Variants in DISC1 observed in about 807,000 individuals in gnomAD.
The protein encoded by DISC1 is disrupted in schizophrenia 1 protein.
In DISC1, 57 loss-of-function variants were observed where a neutral mutation model predicts 84.5. That is an observed-to-expected ratio of 0.67 (90% CI 0.55 to 0.84). The LOEUF (loss-of-function observed/expected upper bound fraction) is 0.84, where lower values mean the gene tolerates loss of function less well. Ranked by LOEUF, DISC1 falls within the 40% of genes least tolerant of loss-of-function variation. The pLI is 0.00. For missense variants in DISC1, 1,000 were observed against 1,057.8 expected, an observed-to-expected ratio of 0.95 and a Z score of 0.76; for synonymous variants, 411 against 415.2, an observed-to-expected ratio of 0.99 and a Z score of 0.12.
chr1:232,032,878 A>G (rs1670184254), intron 12 of DISC1, among the ~76,000 whole-genome samples: 1 of 152,226 alleles, frequency 6.6e-6, no homozygotes, highest in Admixed American at 6.5e-5. Flanking sequence ...ATGGGCTTCA[A>G]CTATGAGCTT....
chr1:231,855,767 A>C (rs1360903569), intron 9 of DISC1, among the ~76,000 whole-genome samples: 2 of 152,210 alleles, frequency 1.3e-5, no homozygotes, highest in African/African-American at 2.4e-5. Context: ...CACAGCCCAC[A>C]AAAGCAAGTC....
intron 6 of DISC1, among the ~76,000 whole-genome samples, chr1:231,787,409 T>C (rs1400147208): frequency 6.7e-6 from 1 of 149,364 alleles, no homozygotes; most frequent in Non-Finnish European, 1.5e-5. Context: ...AGAGTGAGAG[T>C]GAGAGCATGT....
intron 9 of DISC1, among the ~76,000 whole-genome samples, chr1:231,881,088 C>T (rs139923009): frequency 7.6e-4 from 115 of 151,888 alleles, no homozygotes; most frequent in African/African-American, 1.4e-3. Flanking sequence ...TCTTCCCTGA[C>T]GAATTTTATT....
intron 7 of DISC1, 89 bp downstream of exon 7, chr1:231,795,385 T>A: frequency 8.4e-7 from 1 of 1,197,048 alleles, no homozygotes; most frequent in Non-Finnish European, 1.2e-6. Context: ...GATACCTGGC[T>A]TCTGCAAAAA....
intron 1 of DISC1, among the ~76,000 whole-genome samples, chr1:231,663,316 A>C (rs1421837566): frequency 7.2e-5 from 11 of 152,230 alleles, no homozygotes; most frequent in Non-Finnish European, 1.2e-4. Flanking sequence ...ACAATATACG[A>C]AGCAAATGTT....
chr1:232,019,298 A>T (rs1668742651), intron 11 of DISC1, among the ~76,000 whole-genome samples: 1 of 151,932 alleles, frequency 6.6e-6, no homozygotes, highest in Non-Finnish European at 1.5e-5. Context: ...TTTCATTCTG[A>T]CCCACAGGGA....
chr1:231,765,681 C>G (rs1440818295), intron 4 of DISC1, among the ~76,000 whole-genome samples: 1 of 152,138 alleles, frequency 6.6e-6, no homozygotes, highest in East Asian at 1.9e-4. Context: ...CAACAAGTCT[C>G]CTTTAAAGAC....
intron 9 of DISC1, among the ~76,000 whole-genome samples, chr1:231,940,035 G>A (rs1373803155): frequency 2.0e-5 from 3 of 151,848 alleles, no homozygotes; most frequent in Non-Finnish European, 4.4e-5. Flanking sequence ...GGGCCACCAT[G>A]CCTGGGTTTC....
chr1:231,838,336 A>G (rs2082774065), intron 9 of DISC1, among the ~76,000 whole-genome samples: 1 of 152,174 alleles, frequency 6.6e-6, no homozygotes, highest in Non-Finnish European at 1.5e-5. Flanking sequence ...TTTCCAGAGG[A>G]AAGGATGACT....
intron 9 of DISC1, among the ~76,000 whole-genome samples, chr1:231,926,920 A>T (rs1466099271): frequency 6.6e-6 from 1 of 152,218 alleles, no homozygotes; most frequent in Non-Finnish European, 1.5e-5. Flanking sequence ...CATTGTCTTC[A>T]TCACTTCATG....
chr1:231,714,830 C>T (rs577044483), intron 3 of DISC1, among the ~76,000 whole-genome samples: 1 of 152,184 alleles, frequency 6.6e-6, no homozygotes, highest in Admixed American at 6.5e-5. Flanking sequence ...TTTTATGAAT[C>T]TATCTTAAGA....
At chr1:231,687,490 T>C (rs1350455285) in intron 1 of DISC1, among the ~76,000 whole-genome samples, 2 of 152,164 alleles carry the variant, frequency 1.3e-5, no homozygotes, top group African/African-American at 4.8e-5. Context: ...CCCCCATCAT[T>C]CCATTGATGT....
At chr1:231,647,892 T>G (rs1462571539) in intron 1 of DISC1, among the ~76,000 whole-genome samples, 3 of 152,234 alleles carry the variant, frequency 2.0e-5, no homozygotes, top group Admixed American at 1.3e-4. Flanking sequence ...ATGCCTGTGA[T>G]TTTTGCACAT....
intron 9 of DISC1, among the ~76,000 whole-genome samples, chr1:231,886,219 C>T (rs1303960198): frequency 6.6e-6 from 1 of 152,190 alleles, no homozygotes; most frequent in Non-Finnish European, 1.5e-5. Context: ...AACACATTAA[C>T]TTTGGGGACA....
intron 10 of DISC1, among the ~76,000 whole-genome samples, chr1:231,960,980 G>A (rs1660310537): frequency 6.6e-6 from 1 of 152,226 alleles, no homozygotes; most frequent in African/African-American, 2.4e-5. Context: ...TATAAAGGAG[G>A]TTACATAGGA....
intron 10 of DISC1, among the ~76,000 whole-genome samples, chr1:231,967,125 T>C (rs1284111469): frequency 6.6e-6 from 1 of 152,254 alleles, no homozygotes; most frequent in East Asian, 1.9e-4. Flanking sequence ...CAGCCTGATG[T>C]GGAATGATAG....
intron 9 of DISC1, among the ~76,000 whole-genome samples, chr1:231,838,569 C>A (rs2125851059): frequency 6.6e-6 from 1 of 152,282 alleles, no homozygotes; most frequent in Admixed American, 6.5e-5. Context: ...CTCTTCCACT[C>A]TCGTTTTTTG....
intron 11 of DISC1, among the ~76,000 whole-genome samples, chr1:232,021,333 TACACACACACACACACAC>T (rs36231584): frequency 0.011 from 1,605 of 148,210 alleles, 9 homozygotes; most frequent in Middle Eastern, 0.021. Context: ...ACTTGTTCTA[TACACACACACACACACAC>T]ACACACACAC....
intron 1 of DISC1, among the ~76,000 whole-genome samples, chr1:231,646,267 C>T (rs1249187279): frequency 6.6e-6 from 1 of 151,580 alleles, no homozygotes; most frequent in Non-Finnish European, 1.5e-5. Flanking sequence ...GATTTTTTGT[C>T]CTTGCGATAG....
Sources: gnomAD v4.1 joint callset for allele counts (sites outside exome capture counted in the v4.1 genomes callset) on GRCh38, gnomAD v4.1.1 for gene constraint, MANE v1.5 for transcripts, NCBI Gene and HGNC (gene_info 2026-07-23, HGNC 2026-07-21) for gene names.